KHDRBS2: variants seen among roughly 807,000 people sequenced by gnomAD.
The protein encoded by KHDRBS2 is KH domain-containing, RNA-binding, signal transduction-associated protein 2.
KHDRBS2 carries 26 observed loss-of-function variants against 44.3 expected under a neutral mutation model. The ratio of observed to expected loss-of-function variants is 0.59; its 90% CI spans 0.43 to 0.81. The LOEUF is 0.81. Among genes scored for constraint, KHDRBS2 ranks in the 40% least tolerant of loss-of-function variants. The probability of loss-of-function intolerance (pLI) is 0.00; values close to 1 mark genes in which losing one functional copy is unlikely to be tolerated. For synonymous variants in KHDRBS2, 194 were observed against 151.1 expected (o/e 1.28, Z -2.08); for missense variants, 476 against 433.1 (o/e 1.10, Z -0.88).
intron 4 of KHDRBS2, among the ~76,000 whole-genome samples, chr6:61,903,280 C>T (rs1458607545): frequency 6.6e-6 from 1 of 152,142 alleles, no homozygotes; most frequent in Non-Finnish European, 1.5e-5. Flanking sequence ...TTTGCAGCTT[C>T]TTCTCTGAGG....
the KHDRBS2 span, among the ~76,000 whole-genome samples, chr6:61,581,525 A>G: frequency 6.7e-6 from 1 of 148,684 alleles, no homozygotes; most frequent in East Asian, 1.9e-4. Context: ...TATATAATAT[A>G]GATTATAATA....
chr6:61,790,861 T>C (rs1470757739), intron 6 of KHDRBS2, among the ~76,000 whole-genome samples: 1 of 151,546 alleles, frequency 6.6e-6, no homozygotes, highest in Non-Finnish European at 1.5e-5. Context: ...TTTGAATGTA[T>C]AACATAACAC....
At chr6:61,780,799 C>G (rs1782819218) in intron 6 of KHDRBS2, among the ~76,000 whole-genome samples, 1 of 84,862 alleles carries the variant, frequency 1.2e-5, no homozygotes, top group Non-Finnish European at 2.3e-5. Flanking sequence ...CCTCTTGCTA[C>G]CCACTGTTGC....
Position 61,816,187 on chromosome 6 carries a change from C to A in KHDRBS2, c.810+78448G>T, listed in dbSNP as rs575043168. On this transcript the variant is annotated intron_variant, in intron 6 of 8. Transcript: ENST00000281156. ...AAAGTTGTTATTGGTTAAATTGTGT[C>A]CCCAAAAAGATATGTTTTAAATACT... Among the ~76,000 whole-genome samples, 329 of 152,118 alleles carry A rather than the reference C, an allele frequency of 2.2e-3. 1 individual carries two copies. Among genetic ancestry groups the A allele is most frequent in the Non-Finnish European group, 5.9e-4 (40 of 68,002 alleles).
intron 2 of KHDRBS2, among the ~76,000 whole-genome samples, chr6:62,095,544 A>C (rs1310690505): frequency 6.6e-6 from 1 of 151,804 alleles, no homozygotes; most frequent in Non-Finnish European, 1.5e-5. Flanking sequence ...ATATCAACTA[A>C]GTTTATGTAA....
chr6:61,903,842 C>T (rs1214334351), intron 4 of KHDRBS2, among the ~76,000 whole-genome samples: 1 of 152,138 alleles, frequency 6.6e-6, no homozygotes, highest in Non-Finnish European at 1.5e-5. Context: ...AGGCTCCAGT[C>T]ATCCCTGCTC....
intron 1 of KHDRBS2, among the ~76,000 whole-genome samples, chr6:62,204,839 C>T (rs1009527465): frequency 7.2e-5 from 11 of 151,878 alleles, no homozygotes; most frequent in Admixed American, 3.9e-4. Flanking sequence ...GGTTTCACAT[C>T]CTGTGATTAT....
chr6:62,177,409 C>A, intron 1 of KHDRBS2, 97 bp from the exon 2 acceptor site: 4 of 915,588 alleles, frequency 4.4e-6, no homozygotes, highest in South Asian at 3.8e-5. Flanking sequence ...TCATATTACT[C>A]CTCTTCTCAA....
At chr6:61,786,808 G>T (rs1783892645) in intron 6 of KHDRBS2, among the ~76,000 whole-genome samples, 1 of 151,704 alleles carries the variant, frequency 6.6e-6, no homozygotes, top group Non-Finnish European at 1.5e-5. Context: ...TTTCAATATT[G>T]CCCAGCAAAT....
intron 4 of KHDRBS2, among the ~76,000 whole-genome samples, chr6:61,962,382 C>T (rs1301708783): frequency 3.9e-5 from 6 of 152,066 alleles, no homozygotes; most frequent in Non-Finnish European, 8.8e-5. Flanking sequence ...AACACACGAA[C>T]AAAATAGTAT....
intron 4 of KHDRBS2, among the ~76,000 whole-genome samples, chr6:61,973,601 G>T (rs1049681981): frequency 6.6e-6 from 1 of 152,106 alleles, no homozygotes; most frequent in African/African-American, 2.4e-5. Flanking sequence ...AGGAAAGAAA[G>T]AAACTGGAAT....
chr6:62,221,627 T>C (rs1830910160), intron 1 of KHDRBS2, among the ~76,000 whole-genome samples: 1 of 152,090 alleles, frequency 6.6e-6, no homozygotes, highest in African/African-American at 2.4e-5. Flanking sequence ...AACAATCGCA[T>C]TGGCTCACCA....
At position 62,007,011 on chromosome 6, in the gene KHDRBS2, G is replaced by A. The variant is rs534660337; in HGVS notation, c.337-28799C>T. The stretch of plus-strand genomic sequence containing the variant: ...ATATTAACCAAAATAAAACTTGTAC[G>A]TATGTGTGTGTGTACATACATCTAC... On this transcript the variant is annotated intron_variant, in intron 3 of 8. Coordinates refer to ENST00000281156, the MANE Select transcript of KHDRBS2 (RefSeq NM_152688.4). 2.2e-4 allele frequency among the ~76,000 whole-genome samples: 33 copies of A among 152,058 alleles called. 1 individual carries two copies. The highest frequency in any genetic ancestry group is 7.0e-4 in the African/African-American group (29 of 41,526).
intron 6 of KHDRBS2, among the ~76,000 whole-genome samples, chr6:61,830,137 T>C (rs1401633344): frequency 6.6e-6 from 1 of 152,210 alleles, no homozygotes; most frequent in East Asian, 1.9e-4. Flanking sequence ...ATTTTCCATG[T>C]CCTCTCTAAT....
intron 2 of KHDRBS2, among the ~76,000 whole-genome samples, chr6:62,116,372 CTT>C (rs752595671): frequency 1.0e-3 from 157 of 152,178 alleles, no homozygotes; most frequent in Non-Finnish European, 1.6e-3. Context: ...CCCTCCTACT[CTT>C]TGTTTCTGGT....
At chr6:62,099,442 AT>A (rs1801368269) in intron 2 of KHDRBS2, among the ~76,000 whole-genome samples, 1 of 152,150 alleles carries the variant, frequency 6.6e-6, no homozygotes, top group Admixed American at 6.5e-5. Flanking sequence ...GCCTAGGTTT[AT>A]CCCATATCCT....
At chr6:61,829,666 T>C (rs1431096513) in intron 6 of KHDRBS2, among the ~76,000 whole-genome samples, 1 of 152,188 alleles carries the variant, frequency 6.6e-6, no homozygotes, top group African/African-American at 2.4e-5. Flanking sequence ...TTACAGGTAA[T>C]GCAAGAAGTA....
At chr6:62,181,489 A>G (rs775460950) in intron 1 of KHDRBS2, among the ~76,000 whole-genome samples, 20 of 151,966 alleles carry the variant, frequency 1.3e-4, no homozygotes, top group Admixed American at 2.6e-4. Flanking sequence ...CAAAGCAACA[A>G]TGAATTATTA....
At chr6:61,984,227 T>C (rs1427809413) in intron 3 of KHDRBS2, among the ~76,000 whole-genome samples, 1 of 152,194 alleles carries the variant, frequency 6.6e-6, no homozygotes, top group Non-Finnish European at 1.5e-5. Context: ...TGGGCTATAC[T>C]ATGAAGTTAA....
Sources: gnomAD v4.1 joint callset for allele counts (sites outside exome capture counted in the v4.1 genomes callset) on GRCh38, gnomAD v4.1.1 for gene constraint, MANE v1.5 for transcripts, NCBI Gene and HGNC (gene_info 2026-07-23, HGNC 2026-07-21) for gene names.